POC1A: variants seen among roughly 807,000 people sequenced by gnomAD.
The protein encoded by POC1A is POC1 centriolar protein homolog A.
Under a neutral mutation model 47.8 loss-of-function variants are expected in POC1A, and 34 were observed. That is an observed-to-expected ratio of 0.71 (90% CI 0.54 to 0.95). The LOEUF (loss-of-function observed/expected upper bound fraction) is 0.95. Ranked by LOEUF, POC1A falls within the 40% of genes least tolerant of loss-of-function variation. The pLI, the probability that POC1A is intolerant of heterozygous loss-of-function variation, is 0.00. For synonymous variants in POC1A, 177 were observed against 207.6 expected (o/e 0.85, Z 1.27); for missense variants, 466 against 528.3 (o/e 0.88, Z 1.16).
chr3:52,077,206 T>C (rs1323414601), intron 10 of POC1A, among the ~76,000 whole-genome samples: 2 of 152,222 alleles, frequency 1.3e-5, no homozygotes, highest in African/African-American at 2.4e-5. Context: ...GTGCAGCCCA[T>C]AGGCATCAGG....
In POC1A at chr3:52,096,977, TAGGC is replaced by T. The variant is rs373373698; in HGVS notation, c.982-269_982-266del. On this transcript the variant is annotated intron_variant, in intron 9 of 10. Transcript: ENST00000296484. Reference sequence around the variant, plus strand: ...GAAGGGGCCTGGGGAGGAGGGCAGGTAGGCAGGCCAGTGAGTGGCCTCAGCCTGC... The same window carrying T: ...GAAGGGGCCTGGGGAGGAGGGCAGGTAGGCCAGTGAGTGGCCTCAGCCTGC... 1.7e-3 allele frequency among the ~76,000 whole-genome samples: 252 copies of T among 152,302 alleles called. 2 individuals are homozygous for T. The highest frequency in any genetic ancestry group is 0.01 in the Middle Eastern group (3 of 294).
intron 9 of POC1A, among the ~76,000 whole-genome samples, chr3:52,105,117 G>A (rs368413224): frequency 1.3e-5 from 2 of 152,220 alleles, no homozygotes; most frequent in Admixed American, 6.5e-5. Flanking sequence ...CAAGAGAGGG[G>A]AGAAGAAGGT....
At position 52,132,056 on chromosome 3, in the gene POC1A, G is replaced by C. The variant is rs182041805; in HGVS notation, c.813+6113C>G. On this transcript the variant is annotated intron_variant, in intron 7 of 10. Transcript: ENST00000296484. Reference sequence around the variant, plus strand: ...AACGGCATGACATCATTTTCCATGAGCTCAAGTGGAAAGGGATTAATATCT... The same window carrying C: ...AACGGCATGACATCATTTTCCATGACCTCAAGTGGAAAGGGATTAATATCT... 3.0e-3 allele frequency among the ~76,000 whole-genome samples: 450 copies of C among 152,280 alleles called. 1 individual carries two copies. The highest frequency in any genetic ancestry group is 5.2e-3 in the Admixed American group (79 of 15,296).
At chr3:52,127,559 T>A (rs951440594) in intron 7 of POC1A, among the ~76,000 whole-genome samples, 2 of 150,918 alleles carry the variant, frequency 1.3e-5, no homozygotes, top group African/African-American at 4.9e-5. Flanking sequence ...CCCAGCTAAA[T>A]TTTTTTTGTA....
At chr3:52,151,187 G>T (rs559818876) in intron 1 of POC1A, 87 bp from the exon 2 acceptor site, 190 of 1,583,696 alleles carry the variant, frequency 1.2e-4, no homozygotes, top group Middle Eastern at 1.9e-4. Flanking sequence ...ACAGCCGGGG[G>T]AGTAGGGTTA....
intron 10 of POC1A, among the ~76,000 whole-genome samples, chr3:52,076,435 CA>C (rs1366840791): frequency 2.6e-5 from 4 of 152,224 alleles, no homozygotes; most frequent in Admixed American, 2.6e-4. Context: ...ATTGCACCCA[CA>C]AATGATGGCA....
chr3:52,099,103 C>T (rs1274004719), intron 9 of POC1A, among the ~76,000 whole-genome samples: 3 of 152,164 alleles, frequency 2.0e-5, no homozygotes, highest in African/African-American at 7.2e-5. Flanking sequence ...AGGTCTAATG[C>T]TTTTTGCGTC....
rs1251856720 is a variant in POC1A at position 52,075,976 on chromosome 3, T to G, written c.1135A>C (p.Ile379Leu). ...GTCAGTGTCAACCGCTGCTCCAGAA[T>G]GGAGACTGTCTGCAAAATAAACAGT... The part of the protein sequence containing the change: ...QLDVLTQTVS[I>L]LEQRLTLTED... Residue 379 changes from isoleucine (I) to leucine (L), a missense_variant, in exon 11 of 11, where the codon ATT becomes CTT. By Grantham distance (5) the Ile-to-Leu change is conservative. Transcript: ENST00000296484. The G allele has an allele frequency of 6.2e-7, 1 of 1,613,250 alleles. No homozygotes were observed. Among genetic ancestry groups the G allele is most frequent in the African/African-American group, 1.3e-5 (1 of 74,910 alleles).
Position 52,138,262 on chromosome 3 carries a change from C to A in POC1A, c.720G>T (p.Ser240=). ...TGGAGGCTGTGATCAGGTAGTTTCC[C>A]GACGGGTGGAAAGAGAGCCCGTTCA... is the stretch of plus-strand genomic sequence containing the variant. The part of the protein sequence containing the change: ...AAVNGLSFHP[S]GNYLITASSD... Residue 240 remains serine, a synonymous_variant, in exon 7 of 11, where the codon TCG becomes TCT. Transcript: ENST00000296484. 6.2e-7 allele frequency: 1 copy of A among 1,613,986 alleles called. No individual in the cohort carries two copies. Among genetic ancestry groups the A allele is most frequent in the East Asian group, 2.2e-5 (1 of 44,862 alleles).
At position 52,079,038 on chromosome 3, in the gene POC1A, C is replaced by T. The variant is rs1383649028; in HGVS notation, c.1126-3053G>A. Reference sequence around the variant, plus strand: ...GTGCCACCGTGCTTCCCCAGCTGCACGGGAGCTGTGGGAGGAGGGCAGGAG... The same window carrying T: ...GTGCCACCGTGCTTCCCCAGCTGCATGGGAGCTGTGGGAGGAGGGCAGGAG... On this transcript the variant is annotated intron_variant, in intron 10 of 10. Coordinates refer to ENST00000296484, the MANE Select transcript of POC1A (RefSeq NM_015426.5). The surrounding 1 kb of genome is among the most constrained non-coding windows in gnomAD (Gnocchi z 4.6). 4.6e-5 allele frequency among the ~76,000 whole-genome samples: 7 copies of T among 152,180 alleles called. No individual in the cohort carries two copies. The highest frequency in any genetic ancestry group is 1.9e-4 in the East Asian group (1 of 5,186).
At chr3:52,137,334 ACAC>A (rs1178248731) in intron 7 of POC1A, among the ~76,000 whole-genome samples, 1 of 152,128 alleles carries the variant, frequency 6.6e-6, no homozygotes, top group Non-Finnish European at 1.5e-5. Context: ...ACCAGGCTAG[ACAC>A]CTCAGACTTA....
chr3:52,133,648 G>T (rs1003249228), intron 7 of POC1A, among the ~76,000 whole-genome samples: 1 of 152,152 alleles, frequency 6.6e-6, no homozygotes, highest in Non-Finnish European at 1.5e-5. Flanking sequence ...TGTACCTTAG[G>T]AGACAACTGA....
At chr3:52,136,867 T>G (rs114082036) in intron 7 of POC1A, among the ~76,000 whole-genome samples, 1 of 152,354 alleles carries the variant, frequency 6.6e-6, no homozygotes, top group Non-Finnish European at 1.5e-5. Flanking sequence ...GTTAGCTGTT[T>G]AAAGAACACT....
At chr3:52,099,850 CA>C (rs1287591372) in intron 9 of POC1A, among the ~76,000 whole-genome samples, 2 of 152,126 alleles carry the variant, frequency 1.3e-5, no homozygotes, top group East Asian at 3.8e-4. Flanking sequence ...GACTCCGTCT[CA>C]AAAGAAAAAG....
chr3:52,143,457 C>A (rs552163065), intron 6 of POC1A, among the ~76,000 whole-genome samples: 42 of 152,310 alleles, frequency 2.8e-4, no homozygotes, highest in African/African-American at 7.7e-4. Flanking sequence ...CTTCACTCCC[C>A]AGCCTCTGCC....
Position 52,075,821 on chromosome 3 carries a change from C to T in POC1A, c.*66G>A, listed in dbSNP as rs1272511878. 6 of 1,155,800 alleles carry T rather than the reference C, an allele frequency of 5.2e-6. No homozygotes were observed. The African/African-American group carries it at 7.5e-5, about 15-fold the overall frequency. The allele number at this position is 1,155,800 out of a possible 1,614,324, so 71.6% of individuals were successfully genotyped here. On this transcript the variant is annotated 3_prime_UTR_variant, in exon 11 of 11. Transcript: ENST00000296484. The stretch of plus-strand genomic sequence containing the variant: ...TTCAGTCCCCTTTATTTACCCAAGT[C>T]CCATGGTACAAATCCCTGGCCTGCC...
chr3:52,148,916 A>T (rs1475546415), intron 4 of POC1A, among the ~76,000 whole-genome samples: 7 of 152,248 alleles, frequency 4.6e-5, no homozygotes, highest in Admixed American at 4.6e-4. Context: ...GTTTTTGATA[A>T]TAAATGGCCC....
chr3:52,147,152 A>G, intron 4 of POC1A, 57 bp from the exon 5 acceptor site: 1 of 1,334,102 alleles, frequency 7.5e-7, no homozygotes, highest in Non-Finnish European at 1.1e-6. Context: ...TGGGCACCAC[A>G]CACCTTCTTC....
intron 9 of POC1A, among the ~76,000 whole-genome samples, chr3:52,106,064 G>A (rs982154861): frequency 5.3e-5 from 8 of 151,682 alleles, no homozygotes; most frequent in African/African-American, 1.7e-4. Flanking sequence ...GCGAGGTGGC[G>A]GGCGCCTGTA....
Sources: allele counts gnomAD v4.1 joint callset (sites outside exome capture counted in the v4.1 genomes callset), GRCh38; gene constraint gnomAD v4.1.1; non-coding constraint Gnocchi (gnomAD v3.1); transcripts MANE v1.5; gene names NCBI Gene and HGNC (gene_info 2026-07-23, HGNC 2026-07-21).